The following FBLN2 variants were observed in gnomAD, a reference collection of about 807,000 sequenced individuals.
The protein encoded by FBLN2 is fibulin-2.
Under a neutral mutation model 123.7 loss-of-function variants are expected in FBLN2, and 81 were observed. That is an observed-to-expected ratio of 0.65 (90% confidence interval 0.55 to 0.79). The LOEUF (loss-of-function observed/expected upper bound fraction) is 0.79. Ranked by LOEUF, FBLN2 falls within the 30% of genes least tolerant of loss-of-function variation. FBLN2 has a pLI of 0.00. For missense variants in FBLN2, 1,603 were observed against 1,681.3 expected, an observed-to-expected ratio of 0.95 and a Z score of 0.81; for synonymous variants, 699 against 701.4, an observed-to-expected ratio of 1.00 and a Z score of 0.05.
At chr3:13,574,951 C>T (rs1704087207) in intron 2 of FBLN2, among the ~76,000 whole-genome samples, 1 of 152,212 alleles carries the variant, frequency 6.6e-6, no homozygotes, top group Non-Finnish European at 1.5e-5. Context: ...CCCTGTAACG[C>T]CCTCCTCCCC....
chr3:13,611,693 G>A (rs1221080991), intron 4 of FBLN2, among the ~76,000 whole-genome samples: 1 of 152,186 alleles, frequency 6.6e-6, no homozygotes, highest in East Asian at 1.9e-4. Context: ...ATGGACACTT[G>A]GGTTGCTTCC....
At chr3:13,609,685 G>T (rs759073188) in intron 4 of FBLN2, 43 bp downstream of exon 4, 1 of 957,244 alleles carries the variant, frequency 1.0e-6, no homozygotes, top group Non-Finnish European at 1.5e-6. Flanking sequence ...GGGGTGGGGC[G>T]GGGCGGGAGG....
Position 13,570,507 on chromosome 3 carries a change from C to A in FBLN2, c.152C>A (p.Pro51Gln). 1 of 1,585,532 alleles carries A rather than the reference C, an allele frequency of 6.3e-7. No homozygotes were observed. Residue 51 changes from proline to glutamine, a missense_variant, in exon 2 of 18, where the codon CCG (proline) becomes CAG (glutamine). Transcript: ENST00000404922. ...LENCIEEALE[P>Q]GACCATCVQQ... ...AACTGCATTGAGGAGGCGCTGGAGC[C>A]GGGTGCCTGCTGTGCCACGTGTGTG...
At chr3:13,634,808 A>G (rs1031143732) in intron 16 of FBLN2, among the ~76,000 whole-genome samples, 4 of 152,178 alleles carry the variant, frequency 2.6e-5, no homozygotes, top group Non-Finnish European at 5.9e-5. Context: ...GGGGGTATTG[A>G]GTCCTGGCGT....
intron 1 of FBLN2, among the ~76,000 whole-genome samples, chr3:13,558,356 C>G (rs902242279): frequency 3.3e-5 from 5 of 152,048 alleles, no homozygotes; most frequent in Non-Finnish European, 7.4e-5. Context: ...CTCTGCCTGT[C>G]TTTTGCTGGC....
intron 9 of FBLN2, among the ~76,000 whole-genome samples, chr3:13,622,963 A>C (rs145034843): frequency 1.1e-3 from 162 of 152,382 alleles, no homozygotes; most frequent in African/African-American, 3.5e-3. Context: ...GTATAGAAGT[A>C]GGATCAGAAC....
rs112079136 is a variant in FBLN2, at chr3:13,597,872, G to A, written c.1307-10190G>A. On this transcript the variant is annotated intron_variant, in intron 2 of 17. Coordinates refer to ENST00000404922, the MANE Select transcript of FBLN2 (RefSeq NM_001004019.2). ...CCGTGGCAGTGTGTTCTGAAGCTGG[G>A]ATGTTGCTGGGCCATGTCACTGCCA... Among the ~76,000 whole-genome samples, 108 of 152,352 alleles carry A rather than the reference G, an allele frequency of 7.1e-4. 1 individual carries two copies. Among genetic ancestry groups the A allele is most frequent in the African/African-American group, 2.5e-3 (105 of 41,588 alleles).
In FBLN2 at chr3:13,608,094, G is replaced by A. The variant is rs777009677; in HGVS notation, c.1339G>A (p.Ala447Thr). ...STKDLIETCCAAGQQWAIDND... is the reference protein window; with the variant it reads ...STKDLIETCCTAGQQWAIDND... Reference sequence around the variant, plus strand: ...CAAGGACCTGATCGAGACTTGCTGCGCAGCCGGACAGCAGTGGGCCATTGA... The same window carrying A: ...CAAGGACCTGATCGAGACTTGCTGCACAGCCGGACAGCAGTGGGCCATTGA... The change falls in exon 3 of 18, where the codon GCA (alanine) becomes ACA (threonine). Residue 447 changes from alanine to threonine, a missense_variant. Physicochemically the swap from Ala to Thr is moderately conservative, Grantham distance 58. Transcript: ENST00000404922. The A allele has an allele frequency of 2.1e-5, 34 of 1,593,638 alleles. 1 individual carries two copies. Among genetic ancestry groups the A allele is most frequent in the Middle Eastern group, 3.3e-4 (2 of 6,068 alleles).
intron 2 of FBLN2, among the ~76,000 whole-genome samples, chr3:13,602,915 T>TTTC (rs994467589): frequency 1.4e-5 from 2 of 146,216 alleles, no homozygotes; most frequent in African/African-American, 2.5e-5. Flanking sequence ...TCTTTCTTTC[T>TTTC]TTTTTTTTTT....
chr3:13,572,407 A>G lies in FBLN2; in HGVS notation c.1306+746A>G, dbSNP rs149867189. On this transcript the variant is annotated intron_variant, in intron 2 of 17. Transcript: ENST00000404922. Reference sequence around the variant, plus strand: ...TGTACGCTGTTTCACCAGTGAGGCAACTGGGGCTCGAGGGTGGTGCTGGAG... The same window carrying G: ...TGTACGCTGTTTCACCAGTGAGGCAGCTGGGGCTCGAGGGTGGTGCTGGAG... Among the ~76,000 whole-genome samples, 1,380 of 152,330 alleles carry G rather than the reference A, an allele frequency of 9.1e-3. 13 individuals carry two copies. Among genetic ancestry groups the G allele is most frequent in the South Asian group, 0.037 (181 of 4,830 alleles).
At chr3:13,606,864 G>A (rs1295888410) in intron 2 of FBLN2, among the ~76,000 whole-genome samples, 1 of 151,968 alleles carries the variant, frequency 6.6e-6, no homozygotes, top group African/African-American at 2.4e-5. Flanking sequence ...TGTTGGTCAG[G>A]CTGGTCTCAA....
chr3:13,552,578 T>G (rs540239745), intron 1 of FBLN2, among the ~76,000 whole-genome samples: 2 of 152,034 alleles, frequency 1.3e-5, no homozygotes, highest in Non-Finnish European at 2.9e-5. Context: ...ACCCTCCCAA[T>G]AGACCAGACA....
At position 13,549,142 on chromosome 3, in the gene FBLN2, G is replaced by A; in HGVS notation, c.-108G>A. 3.1e-6 allele frequency: 3 copies of A among 982,604 alleles called. No individual in the cohort carries two copies. Among genetic ancestry groups the A allele is most frequent in the Non-Finnish European group, 3.6e-6 (3 of 828,890 alleles). The allele number at this position is 982,604 out of a possible 1,614,324, so 60.9% of individuals were successfully genotyped here. On this transcript the variant is annotated 5_prime_UTR_variant, in exon 1 of 18. Transcript: ENST00000404922. ...CCCCGCGCGCACACAGCCAGGGGCC[G>A]CCCGGGCTCTCGACGCGCCGACGGC... is the stretch of plus-strand genomic sequence containing the variant.
chr3:13,554,674 A>T (rs1703416109), intron 1 of FBLN2, among the ~76,000 whole-genome samples: 1 of 151,348 alleles, frequency 6.6e-6, no homozygotes, highest in Non-Finnish European at 1.5e-5. Context: ...GGCTGTGGAA[A>T]CAAATTAATT....
chr3:13,584,284 G>A (rs1160459625), intron 2 of FBLN2, among the ~76,000 whole-genome samples: 1 of 152,164 alleles, frequency 6.6e-6, no homozygotes, highest in Non-Finnish European at 1.5e-5. Flanking sequence ...CTCTCCCTCT[G>A]CCACCCCTCC....
chr3:13,585,049 G>A (rs1018236171), intron 2 of FBLN2, among the ~76,000 whole-genome samples: 3 of 152,188 alleles, frequency 2.0e-5, no homozygotes, highest in Admixed American at 6.5e-5. Context: ...GATGGAGGAC[G>A]ACCTCACAAT....
intron 2 of FBLN2, among the ~76,000 whole-genome samples, chr3:13,597,715 CA>C (rs1704892394): frequency 6.6e-6 from 1 of 152,338 alleles, no homozygotes; most frequent in Non-Finnish European, 1.5e-5. Flanking sequence ...TCTGCTTTAC[CA>C]GGGGACAGTG....
chr3:13,591,863 G>A (rs1011627865), intron 2 of FBLN2, among the ~76,000 whole-genome samples: 5 of 152,134 alleles, frequency 3.3e-5, no homozygotes, highest in Non-Finnish European at 5.9e-5. Flanking sequence ...TGTATGGTGT[G>A]AGTAGGAATC....
intron 1 of FBLN2, among the ~76,000 whole-genome samples, chr3:13,554,419 T>C (rs1197878370): frequency 2.0e-5 from 3 of 152,242 alleles, no homozygotes. Context: ...CAAGTTGAGC[T>C]TTTAGATGAT....
Sources: allele counts gnomAD v4.1 joint callset (sites outside exome capture counted in the v4.1 genomes callset), GRCh38; gene constraint gnomAD v4.1.1; transcripts MANE v1.5; gene names NCBI Gene and HGNC (gene_info 2026-07-23, HGNC 2026-07-21).